Variants in CSN2 observed in about 807,000 individuals in gnomAD.
The protein encoded by CSN2 is casein beta, also known as beta-casein.
A neutral mutation model predicts 27.3 loss-of-function variants in CSN2; 27 were observed. The ratio of observed to expected loss-of-function variants is 0.99; its 90% CI spans 0.73 to 1.36. CSN2 has a LOEUF of 1.36. Among genes scored for constraint, CSN2 ranks in the 40% most tolerant of loss-of-function variants. The pLI, the probability that CSN2 is intolerant of heterozygous loss-of-function variation, is 0.00. For synonymous variants in CSN2, 131 were observed against 94.8 expected (o/e 1.38, Z -2.22); for missense variants, 333 against 264.5 (o/e 1.26, Z -1.80).
intron 1 of CSN2, among the ~76,000 whole-genome samples, chr4:69,962,616 T>C (rs1723635550): frequency 6.6e-6 from 1 of 152,124 alleles, no homozygotes; most frequent in South Asian, 2.1e-4. Context: ...ATGTCAGACC[T>C]AAAACCATAA....
intron 4 of CSN2, 33 bp downstream of exon 4, chr4:69,959,016 G>T: frequency 6.7e-7 from 1 of 1,496,504 alleles, no homozygotes; most frequent in Non-Finnish European, 9.2e-7. Context: ...AGGAAATTTT[G>T]AAAATGTGTA....
intron 2 of CSN2, 59 bp downstream of exon 2, chr4:69,960,886 A>C: frequency 7.6e-7 from 1 of 1,322,682 alleles, no homozygotes; most frequent in Middle Eastern, 1.8e-4. Context: ...TATTCTCTAC[A>C]AATAAGCATA....
At chr4:69,959,429 T>A (rs1723501213) in intron 3 of CSN2, among the ~76,000 whole-genome samples, 1 of 152,106 alleles carries the variant, frequency 6.6e-6, no homozygotes, top group African/African-American at 2.4e-5. Context: ...TTCAAATGAA[T>A]CATAAGAGTT....
intron 6 of CSN2, among the ~76,000 whole-genome samples, chr4:69,956,689 CT>C (rs1045676493): frequency 2.0e-5 from 3 of 151,820 alleles, no homozygotes; most frequent in South Asian, 2.1e-4. Context: ...CATTTTTTAG[CT>C]TTTTTTTCCA....
intron 1 of CSN2, among the ~76,000 whole-genome samples, chr4:69,962,832 C>T (rs1301867275): frequency 2.0e-5 from 3 of 152,148 alleles, no homozygotes; most frequent in African/African-American, 7.2e-5. Context: ...TTGCAATCTA[C>T]TCATCTGACA....
chr4:69,964,553 AT>A (rs1159308327), intron 1 of CSN2, among the ~76,000 whole-genome samples: 1 of 151,622 alleles, frequency 6.6e-6, no homozygotes, highest in African/African-American at 2.4e-5. Context: ...GAAAACAAAT[AT>A]TTTTTCTAGA....
chr4:69,964,234 G>A (rs1260900572), intron 1 of CSN2, among the ~76,000 whole-genome samples: 2 of 152,106 alleles, frequency 1.3e-5, no homozygotes, highest in South Asian at 2.1e-4. Context: ...TTGATGATCC[G>A]CCAAGGGGTC....
In CSN2 at chr4:69,958,967, A is replaced by G. The variant is rs1242238957; in HGVS notation, c.100-14T>C. 4 of 1,583,850 alleles carry G rather than the reference A, an allele frequency of 2.5e-6. No homozygotes were observed. The South Asian group carries it at 3.4e-5, about 13-fold the overall frequency. Reference sequence around the variant, plus strand: ...CTCAACTTTCTGCTAAAGATATATCATATATAAAGATATGTTACCATCTGT... The same window carrying G: ...CTCAACTTTCTGCTAAAGATATATCGTATATAAAGATATGTTACCATCTGT... On this transcript the variant is annotated splice_polypyrimidine_tract_variant and intron_variant, in intron 4 of 7. Coordinates refer to ENST00000353151, the MANE Select transcript of CSN2 (RefSeq NM_001891.4).
intron 1 of CSN2, among the ~76,000 whole-genome samples, chr4:69,961,793 G>A (rs1175896146): frequency 6.6e-6 from 1 of 152,154 alleles, no homozygotes; most frequent in Admixed American, 6.5e-5. Context: ...AAGTCAAATT[G>A]TCCCTGTTTG....
intron 1 of CSN2, among the ~76,000 whole-genome samples, 139 bp downstream of exon 1, chr4:69,965,542 A>T (rs976984408): frequency 6.6e-6 from 1 of 150,698 alleles, no homozygotes; most frequent in Non-Finnish European, 1.5e-5. Context: ...CCTAAGTGTT[A>T]AAAATAATCT....
intron 1 of CSN2, among the ~76,000 whole-genome samples, chr4:69,964,250 C>G (rs1323750162): frequency 1.3e-5 from 2 of 152,106 alleles, no homozygotes; most frequent in Non-Finnish European, 2.9e-5. Context: ...GGGTCAGAGC[C>G]TCTTGCCCAC....
chr4:69,960,170 A>G, intron 2 of CSN2, 91 bp from the exon 3 acceptor site: 1 of 1,208,930 alleles, frequency 8.3e-7, no homozygotes, highest in Non-Finnish European at 1.2e-6. Context: ...CTCTAAAAAA[A>G]TAATCTCACC....
At chr4:69,965,602 A>G (rs1233647336) in intron 1 of CSN2, among the ~76,000 whole-genome samples, 79 bp downstream of exon 1, 1 of 151,716 alleles carries the variant, frequency 6.6e-6, no homozygotes, top group Non-Finnish European at 1.5e-5. Context: ...TTAAGTAACT[A>G]CGTTCCTTCT....
chr4:69,957,492 C>A lies in CSN2; in HGVS notation c.457G>T (p.Val153Phe), dbSNP rs752426575. Reference protein sequence around the residue: ...LPLLQPLMQQVPQPIPQTLAL... With the variant: ...LPLLQPLMQQFPQPIPQTLAL... ...AGAGTCTGAGGAATAGGCTGAGGGA[C>A]CTGCTGCATCAAGGGCTGGAGCAGA... Residue 153 changes from valine to phenylalanine, a missense_variant, in exon 6 of 8, where the codon GTC (valine) becomes TTC (phenylalanine). Val to Phe is a conservative substitution (Grantham distance 50). Coordinates refer to ENST00000353151, the MANE Select transcript of CSN2 (RefSeq NM_001891.4). 4 of 1,613,652 alleles carry A rather than the reference C, an allele frequency of 2.5e-6. No individual in the cohort carries two copies. In the South Asian group the frequency reaches 4.4e-5, roughly 18 times the overall value.
At chr4:69,956,424 A>C (rs1407243266) in intron 6 of CSN2, 69 bp from the exon 7 acceptor site, 1 of 1,210,904 alleles carries the variant, frequency 8.3e-7, no homozygotes, top group African/African-American at 1.6e-5. Flanking sequence ...AGAATGTTGT[A>C]AGTAGTGAAA....
At position 69,960,043 on chromosome 4, in the gene CSN2, G is replaced by A. The variant is rs1166931947; in HGVS notation, c.78+10C>T. 2 of 1,610,748 alleles carry A rather than the reference G, an allele frequency of 1.2e-6. No homozygotes were observed. Among genetic ancestry groups the A allele is most frequent in the Non-Finnish European group, 1.7e-6 (2 of 1,177,954 alleles). On this transcript the variant is annotated intron_variant, in intron 3 of 7. Coordinates refer to ENST00000353151, the MANE Select transcript of CSN2 (RefSeq NM_001891.4). ...TTACTGTTCTAAAATTGGGTAGAAT[G>A]TTAACTTACCTCACTGCTTGAAAGG...
intron 1 of CSN2, among the ~76,000 whole-genome samples, chr4:69,961,503 G>A (rs1303338461): frequency 6.6e-6 from 1 of 152,122 alleles, no homozygotes; most frequent in Non-Finnish European, 1.5e-5. Flanking sequence ...CTCAATAGAT[G>A]CAGAAAAGGC....
chr4:69,959,537 T>C (rs1230974281), intron 3 of CSN2, among the ~76,000 whole-genome samples: 1 of 152,064 alleles, frequency 6.6e-6, no homozygotes, highest in East Asian at 1.9e-4. Context: ...AGAAGAGTGG[T>C]GTAAGAATAA....
Position 69,957,781 on chromosome 4 carries a change from G to A in CSN2, c.168C>T (p.Tyr56=), listed in dbSNP as rs1441810038. ...TCAGAGGCTGTGGCTGGAAAGAGGG[G>A]TAGATTTTATCCTGGTGTTCATCCT... ...QGEDEHQDKI[Y]PSFQPQPLIY... is the part of the protein sequence containing the mutation. Residue 56 remains tyrosine (Y), a synonymous_variant, in exon 6 of 8, where the codon TAC becomes TAT. Transcript: ENST00000353151. 21 of 1,613,352 alleles carry A rather than the reference G, an allele frequency of 1.3e-5. No homozygotes were observed. The highest frequency in any genetic ancestry group is 1.8e-5 in the Non-Finnish European group (21 of 1,179,654).
Sources: allele counts gnomAD v4.1 joint callset (sites outside exome capture counted in the v4.1 genomes callset), GRCh38; gene constraint gnomAD v4.1.1; transcripts MANE v1.5; gene names NCBI Gene and HGNC (gene_info 2026-07-23, HGNC 2026-07-21).